Variants in RNF19A observed in about 807,000 individuals in gnomAD.
RNF19A encodes ring finger protein 19A, RBR E3 ubiquitin protein ligase.
A neutral mutation model predicts 75.7 loss-of-function variants in RNF19A; 32 were observed. The ratio of observed to expected loss-of-function variants is 0.42; its 90% CI spans 0.32 to 0.57. The LOEUF (loss-of-function observed/expected upper bound fraction) is 0.57, where lower values mean the gene tolerates loss of function less well. Ranked by LOEUF, RNF19A falls within the 20% of genes least tolerant of loss-of-function variation. The pLI, the probability that RNF19A is intolerant of heterozygous loss-of-function variation, is 0.10. For synonymous variants in RNF19A, 335 were observed against 345.2 expected, an observed-to-expected ratio of 0.97 and a Z score of 0.33; for missense variants, 782 against 1,036.3, an observed-to-expected ratio of 0.75 and a Z score of 3.37.
rs1414205823 is a variant in RNF19A at position 100,329,134 on chromosome 8, C to T, written c.-243+6974G>A. On this transcript the variant is annotated intron_variant, in intron 1 of 3. Coordinates refer to the RNF19A transcript ENST00000519527. This position sits in a 1 kb window ranked among gnomAD's most constrained non-coding sequence, Gnocchi z 4.3. ...AGAGGGGTGGTGTAGCTTACAGACACCAAAGTGTTCGTTCATCCAGAACTG... is the reference window on the plus strand; with the variant it reads ...AGAGGGGTGGTGTAGCTTACAGACATCAAAGTGTTCGTTCATCCAGAACTG... 6.6e-6 allele frequency among the ~76,000 whole-genome samples: 1 copy of T among 152,112 alleles called. No individual in the cohort carries two copies. The highest frequency in any genetic ancestry group is 2.4e-5 in the African/African-American group (1 of 41,400).
At chr8:100,268,701 A>C (rs1820108592) in intron 5 of RNF19A, 84 bp downstream of exon 5, 7 of 856,280 alleles carry the variant, frequency 8.2e-6, no homozygotes, top group Non-Finnish European at 9.7e-6. Flanking sequence ...AAAAAAAAAA[A>C]AAACCCAAAA....
rs1822392676 is a variant in RNF19A at position 100,317,079 on chromosome 8, GCCAAGC to G, written c.-242-3713_-242-3708del. Among the ~76,000 whole-genome samples the G allele has an allele frequency of 6.6e-6, 1 of 151,090 alleles. No homozygotes were observed. On this transcript the variant is annotated intron_variant, in intron 1 of 3. Coordinates refer to the RNF19A transcript ENST00000519527. This position sits in a 1 kb window ranked among gnomAD's most constrained non-coding sequence, Gnocchi z 4.3. The stretch of plus-strand genomic sequence containing the variant: ...CCCGGCTACTCTGAGTGCGGGGCCT[GCCAAGC>G]CCACGCCCACGCCCACCCGGAACTC...
intron 5 of RNF19A, among the ~76,000 whole-genome samples, chr8:100,267,556 G>A (rs527720559): frequency 1.3e-5 from 2 of 152,132 alleles, no homozygotes; most frequent in African/African-American, 4.8e-5. Flanking sequence ...TTTTTTGAGA[G>A]ATGGGGTCTC....
Position 100,259,425 on chromosome 8 carries a change from C to A in RNF19A, c.1827-179G>T. On this transcript the variant is annotated intron_variant, in intron 9 of 9. Transcript: ENST00000341084. The surrounding 1 kb of genome is among the most constrained non-coding windows in gnomAD (Gnocchi z 4.5). ...TATAACAGAACTCTTTATAATGCTT[C>A]AATGTTTTAAAATAGTGGTGGACAC... The A allele has an allele frequency of 1.7e-6, 1 of 603,710 alleles. No individual in the cohort carries two copies. Among genetic ancestry groups the A allele is most frequent in the Non-Finnish European group, 2.9e-6 (1 of 345,470 alleles). The allele number at this position is 603,710 out of a possible 1,614,324, so 37.4% of individuals were successfully genotyped here.
At chr8:100,281,658 C>T (rs977118657) in intron 2 of RNF19A, among the ~76,000 whole-genome samples, 1 of 152,158 alleles carries the variant, frequency 6.6e-6, no homozygotes, top group South Asian at 2.1e-4. Flanking sequence ...TCTCATGTCA[C>T]GTCGATTAAA....
chr8:100,258,367 C>A lies in RNF19A; in HGVS notation c.*189G>T. 1.9e-6 allele frequency: 1 copy of A among 530,786 alleles called. No homozygotes were observed. 32.9% of individuals were successfully genotyped at this position (530,786 alleles called of 1,614,324 possible). On this transcript the variant is annotated 3_prime_UTR_variant, in exon 10 of 10. Coordinates refer to ENST00000341084, the MANE Select transcript of RNF19A (RefSeq NM_183419.4). This position sits in a 1 kb window ranked among gnomAD's most constrained non-coding sequence, Gnocchi z 4.3. ...CCTTAAAATAATGCACTTTTAAAGC[C>A]TTCACTTCATAGTTTGGTAACTAAG...
chr8:100,270,913 A>C (rs1371793133), intron 3 of RNF19A, among the ~76,000 whole-genome samples: 1 of 152,168 alleles, frequency 6.6e-6, no homozygotes, highest in African/African-American at 2.4e-5. Flanking sequence ...ACTACTTTGC[A>C]TGTTGGCATC....
rs1468825265 is a variant in RNF19A at position 100,323,989 on chromosome 8, G to A, written c.-242-10617C>T. 1.3e-5 allele frequency among the ~76,000 whole-genome samples: 2 copies of A among 152,136 alleles called. No individual in the cohort carries two copies. Among genetic ancestry groups the A allele is most frequent in the Non-Finnish European group, 2.9e-5 (2 of 68,018 alleles). Reference sequence around the variant, plus strand: ...AGAGATCTGTATTCAATTTCAAATTGTTTCTAAGGGTTTAGTATCCTGTGA... The same window carrying A: ...AGAGATCTGTATTCAATTTCAAATTATTTCTAAGGGTTTAGTATCCTGTGA... On this transcript the variant is annotated intron_variant, in intron 1 of 3. Transcript: ENST00000519527. The surrounding 1 kb of genome is among the most constrained non-coding windows in gnomAD (Gnocchi z 4.6).
intron 1 of RNF19A, among the ~76,000 whole-genome samples, 174 bp downstream of exon 1, chr8:100,309,693 G>A (rs1203665184): frequency 6.6e-6 from 1 of 152,186 alleles, no homozygotes; most frequent in Non-Finnish European, 1.5e-5. Context: ...CCACGGCCCC[G>A]AGCCCACGCT....
chr8:100,293,212 T>C (rs1821392327), intron 1 of RNF19A, among the ~76,000 whole-genome samples: 2 of 152,266 alleles, frequency 1.3e-5, no homozygotes, highest in South Asian at 4.1e-4. Context: ...AGCCCTGTTC[T>C]TGTGGATCCA....
chr8:100,266,892 G>C (rs1820007535), intron 5 of RNF19A, among the ~76,000 whole-genome samples: 1 of 152,002 alleles, frequency 6.6e-6, no homozygotes, highest in Non-Finnish European at 1.5e-5. Context: ...TTTGTCATCA[G>C]CCCCAAAACT....
rs80058102 is a variant in RNF19A, at chr8:100,293,440, C to T, written c.-93-5173G>A. 4.7e-3 allele frequency among the ~76,000 whole-genome samples: 711 copies of T among 152,318 alleles called. 6 individuals are homozygous for T. Among genetic ancestry groups the T allele is most frequent in the African/African-American group, 0.016 (675 of 41,568 alleles). On this transcript the variant is annotated intron_variant, in intron 1 of 9. Transcript: ENST00000341084. Reference sequence around the variant, plus strand: ...AATAGGTTATTACACTGTCTTCTGGCCTCCATCGTTTCTGACAAGTCATCT... The same window carrying T: ...AATAGGTTATTACACTGTCTTCTGGTCTCCATCGTTTCTGACAAGTCATCT...
chr8:100,323,953 G>C lies in RNF19A; in HGVS notation c.-242-10581C>G, dbSNP rs1563875435. Among the ~76,000 whole-genome samples the C allele has an allele frequency of 6.6e-6, 1 of 152,164 alleles. No homozygotes were observed. Among genetic ancestry groups the C allele is most frequent in the Non-Finnish European group, 1.5e-5 (1 of 68,032 alleles). Reference sequence around the variant, plus strand: ...AGCAAGGGAGAAAAATTTATCTGAGGTCTCGGGGCCAGAGATCTGTATTCA... The same window carrying C: ...AGCAAGGGAGAAAAATTTATCTGAGCTCTCGGGGCCAGAGATCTGTATTCA... On this transcript the variant is annotated intron_variant, in intron 1 of 3. Coordinates refer to the RNF19A transcript ENST00000519527. This position sits in a 1 kb window ranked among gnomAD's most constrained non-coding sequence, Gnocchi z 4.6.
chr8:100,321,369 C>T (rs1284067291), intron 1 of RNF19A, among the ~76,000 whole-genome samples: 1 of 152,242 alleles, frequency 6.6e-6, no homozygotes. Flanking sequence ...TTTCTTTCCT[C>T]TTCCATAAGG....
In RNF19A at chr8:100,329,518, AG is replaced by A. The variant is rs1822583427; in HGVS notation, c.-243+6589del. Among the ~76,000 whole-genome samples, 1 of 152,240 alleles carries A rather than the reference AG, an allele frequency of 6.6e-6. No homozygotes were observed. ...CAAAGCATGTATAGTGTCCAGATAA[AG>A]GAAGTCAATGGTCCCACTGAACTCA... is the stretch of plus-strand genomic sequence containing the variant. On this transcript the variant is annotated intron_variant, in intron 1 of 3. Coordinates refer to the RNF19A transcript ENST00000519527. This position sits in a 1 kb window ranked among gnomAD's most constrained non-coding sequence, Gnocchi z 4.3.
In RNF19A at chr8:100,317,232, C is replaced by G. The variant is rs1822397805; in HGVS notation, c.-242-3860G>C. ...CTTGGCCAGCCCAGAAAGGGGCTCT[C>G]ACAGTGCAGTGGTGGGCTGAAGGGC... On this transcript the variant is annotated intron_variant, in intron 1 of 3. Transcript: ENST00000519527. The surrounding 1 kb of genome is among the most constrained non-coding windows in gnomAD (Gnocchi z 4.3). Among the ~76,000 whole-genome samples the G allele has an allele frequency of 6.6e-6, 1 of 151,618 alleles. No homozygotes were observed. Among genetic ancestry groups the G allele is most frequent in the Non-Finnish European group, 1.5e-5 (1 of 67,816 alleles).
At chr8:100,285,157 G>T (rs1427386053) in intron 2 of RNF19A, among the ~76,000 whole-genome samples, 1 of 152,084 alleles carries the variant, frequency 6.6e-6, no homozygotes, top group East Asian at 1.9e-4. Flanking sequence ...TACTTACCTA[G>T]GAGTTGAAAT....
At chr8:100,271,940 T>G (rs1820275584) in intron 3 of RNF19A, among the ~76,000 whole-genome samples, 1 of 152,200 alleles carries the variant, frequency 6.6e-6, no homozygotes, top group Non-Finnish European at 1.5e-5. Context: ...GCTTCCCATT[T>G]CTATTTACAG....
At chr8:100,309,434 G>T in intron 1 of RNF19A, 4 of 985,488 alleles carry the variant, frequency 4.1e-6, no homozygotes, top group Non-Finnish European at 4.8e-6. Flanking sequence ...AATGCGTTCC[G>T]CCCCCGCCGC....
Sources: allele counts gnomAD v4.1 joint callset (sites outside exome capture counted in the v4.1 genomes callset), GRCh38; gene constraint gnomAD v4.1.1; non-coding constraint Gnocchi (gnomAD v3.1); transcripts MANE v1.5; gene names NCBI Gene and HGNC (gene_info 2026-07-23, HGNC 2026-07-21).